FHOD3: variants seen among roughly 807,000 people sequenced by gnomAD.
The protein encoded by FHOD3 is FH1/FH2 domain-containing protein 3.
A neutral mutation model predicts 173.0 loss-of-function variants in FHOD3; 90 were observed. The ratio of observed to expected loss-of-function variants is 0.52; its 90% CI spans 0.44 to 0.62. The LOEUF (loss-of-function observed/expected upper bound fraction) is 0.62, where lower values mean the gene tolerates loss of function less well. FHOD3 is among the 20% of genes least tolerant of loss of function. The pLI is 0.00. For synonymous variants in FHOD3, 828 were observed against 823.0 expected, an observed-to-expected ratio of 1.01 and a Z score of -0.10; for missense variants, 1,945 against 2,034.7, an observed-to-expected ratio of 0.96 and a Z score of 0.85.
intron 7 of FHOD3, among the ~76,000 whole-genome samples, chr18:36,601,766 CA>C (rs2031412501): frequency 6.6e-6 from 1 of 152,204 alleles, no homozygotes; most frequent in African/African-American, 2.4e-5. Flanking sequence ...AAGCCAAGAG[CA>C]AGGCAATTCT....
intron 7 of FHOD3, among the ~76,000 whole-genome samples, chr18:36,602,205 C>T (rs574028565): frequency 2.6e-4 from 39 of 152,288 alleles, no homozygotes; most frequent in South Asian, 1.5e-3. Context: ...AATATACTTC[C>T]GTTCTTGAGA....
chr18:36,701,224 TGGG>T (rs2039571707), intron 17 of FHOD3, among the ~76,000 whole-genome samples: 1 of 152,090 alleles, frequency 6.6e-6, no homozygotes, highest in Non-Finnish European at 1.5e-5. Context: ...ACATGAGCCA[TGGG>T]TGGAGGACAC....
chr18:36,649,451 C>A, intron 11 of FHOD3, 46 bp downstream of exon 11: 1 of 1,427,944 alleles, frequency 7.0e-7, no homozygotes, highest in Non-Finnish European at 9.5e-7. Flanking sequence ...AAGTGGGAGA[C>A]TCCTTCCTAA....
intron 20 of FHOD3, among the ~76,000 whole-genome samples, chr18:36,739,867 G>GT (rs2041821334): frequency 6.6e-6 from 1 of 152,112 alleles, no homozygotes; most frequent in Non-Finnish European, 1.5e-5. Context: ...ATTCCTTATA[G>GT]TTTTTTATGC....
At chr18:36,481,835 A>G (rs568942716) in intron 3 of FHOD3, among the ~76,000 whole-genome samples, 1 of 152,304 alleles carries the variant, frequency 6.6e-6, no homozygotes, top group East Asian at 1.9e-4. Flanking sequence ...TCTTTGCACT[A>G]TTGAATCAGA....
At chr18:36,573,321 A>G (rs1435846641) in intron 5 of FHOD3, among the ~76,000 whole-genome samples, 2 of 152,046 alleles carry the variant, frequency 1.3e-5, no homozygotes, top group Non-Finnish European at 2.9e-5. Context: ...TTGGAGTGTT[A>G]TAACTGGGCA....
At chr18:36,352,452 T>A (rs1343422967) in intron 1 of FHOD3, among the ~76,000 whole-genome samples, 1 of 152,220 alleles carries the variant, frequency 6.6e-6, no homozygotes, top group Non-Finnish European at 1.5e-5. Flanking sequence ...AAATGCTGTA[T>A]ACTGGTGAGC....
intron 3 of FHOD3, among the ~76,000 whole-genome samples, chr18:36,466,821 T>C (rs772104257): frequency 2.0e-5 from 3 of 151,936 alleles, no homozygotes; most frequent in East Asian, 1.9e-4. Flanking sequence ...TTAAGTAAGA[T>C]GTTATCTTTA....
At chr18:36,495,219 G>A (rs368996531) in intron 3 of FHOD3, among the ~76,000 whole-genome samples, 11 of 152,236 alleles carry the variant, frequency 7.2e-5, no homozygotes, top group South Asian at 4.1e-4. Flanking sequence ...GGGATTACAC[G>A]TGTGAGCCAC....
intron 2 of FHOD3, among the ~76,000 whole-genome samples, chr18:36,369,377 T>TGGAG (rs1353316308): frequency 6.6e-6 from 1 of 150,916 alleles, no homozygotes; most frequent in Non-Finnish European, 1.5e-5. Flanking sequence ...AATATAGTGG[T>TGGAG]GGAGGGAAGC....
At chr18:36,576,940 A>T (rs1461786148) in intron 6 of FHOD3, among the ~76,000 whole-genome samples, 1 of 152,122 alleles carries the variant, frequency 6.6e-6, no homozygotes, top group Non-Finnish European at 1.5e-5. Context: ...TAAAAATATA[A>T]AAATTAGCTG....
intron 5 of FHOD3, among the ~76,000 whole-genome samples, chr18:36,551,243 A>C (rs1490611969): frequency 6.6e-6 from 1 of 152,120 alleles, no homozygotes; most frequent in Non-Finnish European, 1.5e-5. Flanking sequence ...ACCTGGTCAC[A>C]TTGTATTTTC....
intron 2 of FHOD3, among the ~76,000 whole-genome samples, chr18:36,365,532 T>C (rs915406804): frequency 6.6e-6 from 1 of 152,130 alleles, no homozygotes; most frequent in African/African-American, 2.4e-5. Flanking sequence ...CACAGAGCGA[T>C]TGCAGATGGG....
chr18:36,614,286 C>T (rs532626663), intron 9 of FHOD3, among the ~76,000 whole-genome samples: 1 of 152,320 alleles, frequency 6.6e-6, no homozygotes, highest in African/African-American at 2.4e-5. Context: ...CTAGCTTTCA[C>T]TTAGCGTGTT....
rs546181278 is a variant in FHOD3 at position 36,591,540 on chromosome 18, T to G, written c.607-3247T>G. ...GGGTCAGATAAAGCCTCTTCGCTGC[T>G]GTGAAGCTTACATTCTTAGAGGCAA... On this transcript the variant is annotated intron_variant, in intron 6 of 28. Coordinates refer to ENST00000590592, the MANE Select transcript of FHOD3 (RefSeq NM_001281740.3). Among the ~76,000 whole-genome samples, 61 of 152,318 alleles carry G rather than the reference T, an allele frequency of 4.0e-4. No individual in the cohort carries two copies. The South Asian group carries it at 0.013, about 32-fold the overall frequency.
chr18:36,711,252 T>G (rs1041365991), intron 18 of FHOD3: 1 of 152,242 alleles, frequency 6.6e-6, no homozygotes, highest in African/African-American at 2.4e-5. Context: ...TATGTCATTA[T>G]AGCTCTTGCT....
chr18:36,677,077 A>T (rs796109375), intron 14 of FHOD3, among the ~76,000 whole-genome samples: 1 of 151,930 alleles, frequency 6.6e-6, no homozygotes. Context: ...TGAGATCTCA[A>T]TGTTGTAAAG....
chr18:36,372,601 A>T, intron 2 of FHOD3, 79 bp from the exon 3 acceptor site: 1 of 1,216,304 alleles, frequency 8.2e-7, no homozygotes, highest in Non-Finnish European at 1.2e-6. Flanking sequence ...GTATGTCAGA[A>T]CCTTCACGTG....
intron 3 of FHOD3, among the ~76,000 whole-genome samples, chr18:36,406,083 G>GTTTTTTTTTT (rs2049043160): frequency 9.7e-6 from 1 of 102,820 alleles, no homozygotes; most frequent in Admixed American, 9.5e-5. Flanking sequence ...CCTGTTTTTT[G>GTTTTTTTTTT]TTTTTGTTTT....
Sources: gnomAD v4.1 joint callset for allele counts (sites outside exome capture counted in the v4.1 genomes callset) on GRCh38, gnomAD v4.1.1 for gene constraint, MANE v1.5 for transcripts, NCBI Gene and HGNC (gene_info 2026-07-23, HGNC 2026-07-21) for gene names.